The following MYH13 variants were observed in gnomAD, a reference collection of about 807,000 sequenced individuals.
MYH13 encodes the protein myosin-13.
MYH13 carries 177 observed loss-of-function variants against 232.1 expected under a neutral mutation model. That is an observed-to-expected ratio of 0.76 (90% CI 0.67 to 0.86). The LOEUF is 0.86. MYH13 is among the 40% of genes least tolerant of loss of function. MYH13 has a pLI of 0.00. For missense variants in MYH13, 2,246 were observed against 2,405.9 expected (o/e 0.93, Z 1.39); for synonymous variants, 884 against 923.5 (o/e 0.96, Z 0.78).
intron 37 of MYH13, among the ~76,000 whole-genome samples, chr17:10,305,967 G>A (rs1906265951): frequency 6.6e-6 from 1 of 152,154 alleles, no homozygotes; most frequent in Non-Finnish European, 1.5e-5. Context: ...GAGAAAAGCT[G>A]GGGAGGGAAG....
intron 22 of MYH13, chr17:10,324,756 G>GTTTTTTTTTTTTTTTTTT (rs56757162): frequency 1.9e-5 from 2 of 107,766 alleles, no homozygotes; most frequent in African/African-American, 8.2e-5. Flanking sequence ...CCATATACAT[G>GTTTTTTTTTTTTTTTTTT]TTTTTTTTTT....
rs1567673321 is a variant in MYH13, at chr17:10,362,479, C to T, written c.229G>A (p.Val77Ile). ...DRMLTLNNDQVFPMNPPKFDK... is the reference protein window; with the variant it reads ...DRMLTLNNDQIFPMNPPKFDK... ...AATTTGGGAGGGTTCATGGGGAAGA[C>T]CTGGTCATTGTTCAGAGTGAGCATC... is the stretch of plus-strand genomic sequence containing the variant. Residue 77 changes from valine (V) to isoleucine (I), a missense_variant, in exon 4 of 41, where the codon GTC (valine) becomes ATC (isoleucine). Coordinates refer to ENST00000252172, the MANE Select transcript of MYH13 (RefSeq NM_003802.3). 6.2e-7 allele frequency: 1 copy of T among 1,613,948 alleles called. No homozygotes were observed.
In MYH13 at chr17:10,313,243, A is replaced by G. The variant is rs1370387214; in HGVS notation, c.4096T>C (p.Ser1366Pro). 1 of 1,614,168 alleles carries G rather than the reference A, an allele frequency of 6.2e-7. No individual in the cohort carries two copies. Among genetic ancestry groups the G allele is most frequent in the South Asian group, 1.1e-5 (1 of 91,082 alleles). Reference sequence around the variant, plus strand: ...TGGGCAACCTCACTGTTGGCCTTGGACAGCGCCCTCTGCAGCTCGGCCTTG... The same window carrying G: ...TGGGCAACCTCACTGTTGGCCTTGGGCAGCGCCCTCTGCAGCTCGGCCTTG... ...EAKAELQRAL[S>P]KANSEVAQWR... Residue 1366 changes from serine (S) to proline (P), a missense_variant, in exon 30 of 41, where the codon TCC (serine) becomes CCC (proline). By Grantham distance (74) the Ser-to-Pro change is moderately conservative (BLOSUM62 -1). Coordinates refer to ENST00000252172, the MANE Select transcript of MYH13 (RefSeq NM_003802.3).
rs773900297 is a variant in MYH13, at chr17:10,303,297, AAC to A, written c.5572-8_5572-7del. On this transcript the variant is annotated splice_polypyrimidine_tract_variant and splice_region_variant and intron_variant, in intron 38 of 40. Coordinates refer to ENST00000252172, the MANE Select transcript of MYH13 (RefSeq NM_003802.3). ...TTCTTGTGGTCCTCCTCAGCCTGCA[AAC>A]AGAGTACACGTGGCAGGGGCCCGCA... is the stretch of plus-strand genomic sequence containing the variant. 4.3e-6 allele frequency: 7 copies of A among 1,614,068 alleles called. No homozygotes were observed. In the South Asian group the frequency reaches 7.7e-5, roughly 18 times the overall value.
intron 23 of MYH13, among the ~76,000 whole-genome samples, chr17:10,323,776 A>AG (rs1907069913): frequency 1.9e-5 from 2 of 103,144 alleles, no homozygotes; most frequent in Non-Finnish European, 4.0e-5. Flanking sequence ...AAAAAAAAAA[A>AG]AAAAAAAAAA....
In MYH13 at chr17:10,313,355, C is replaced by T. The variant is rs1284346151; in HGVS notation, c.3985-1G>A. 4 of 1,614,118 alleles carry T rather than the reference C, an allele frequency of 2.5e-6. No individual in the cohort carries two copies. Among genetic ancestry groups the T allele is most frequent in the East Asian group, 2.2e-5 (1 of 44,896 alleles). ...GGGCGTGCGCCATGGCGTTCTTGGC[C>T]TGGGAATGACAGCGGTGACAAATTG... is the stretch of plus-strand genomic sequence containing the variant. On this transcript the variant is annotated splice_acceptor_variant, in intron 29 of 40. Coordinates refer to ENST00000252172, the MANE Select transcript of MYH13 (RefSeq NM_003802.3). LOFTEE classifies it high-confidence loss of function.
intron 20 of MYH13, 21 bp downstream of exon 20, chr17:10,332,078 C>A: frequency 1.9e-6 from 3 of 1,613,092 alleles, no homozygotes; most frequent in Non-Finnish European, 2.5e-6. Flanking sequence ...CTAGGGGAGT[C>A]CCAGCCTTGC....
At chr17:10,370,765 T>G (rs2071872080) in intron 2 of MYH13, among the ~76,000 whole-genome samples, 2 of 152,186 alleles carry the variant, frequency 1.3e-5, no homozygotes, top group African/African-American at 4.8e-5. Context: ...ATAGGGTTTT[T>G]ATTACCGCAC....
chr17:10,355,538 C>T (rs1019359493), intron 8 of MYH13, among the ~76,000 whole-genome samples: 2 of 152,164 alleles, frequency 1.3e-5, no homozygotes, highest in African/African-American at 4.8e-5. Context: ...TGATATTGGC[C>T]ACCATGACCT....
At chr17:10,323,158 G>C (rs1366589430) in intron 23 of MYH13, among the ~76,000 whole-genome samples, 3 of 152,168 alleles carry the variant, frequency 2.0e-5, no homozygotes, top group Non-Finnish European at 4.4e-5. Flanking sequence ...TGGACAGGTG[G>C]AAGAATTCCT....
chr17:10,331,111 TCA>T (rs760334075), intron 20 of MYH13, among the ~76,000 whole-genome samples: 3 of 151,992 alleles, frequency 2.0e-5, no homozygotes, highest in Non-Finnish European at 4.4e-5. Flanking sequence ...CTGACAGAGC[TCA>T]CATACAGGAA....
chr17:10,340,450 G>T (rs1249399346), intron 16 of MYH13, 49 bp from the exon 17 acceptor site: 4 of 1,478,544 alleles, frequency 2.7e-6, no homozygotes, highest in Non-Finnish European at 3.7e-6. Flanking sequence ...AGAGGACCCA[G>T]CAGTGGGCTT....
rs1567671155 is a variant in MYH13 at position 10,354,712 on chromosome 17, T to TA, written c.972dup (p.Ile325TyrfsTer3). On this transcript the variant is annotated frameshift_variant, in exon 11 of 41. Transcript: ENST00000252172. LOFTEE classifies it high-confidence loss of function. Reference sequence around the variant, plus strand: ...GCCAGCAGTTCTTCACTGTCATCGATACTGGCTACCGTGACCTCTCCTTGG... The same window carrying TA: ...GCCAGCAGTTCTTCACTGTCATCGATAACTGGCTACCGTGACCTCTCCTTGG... 8.1e-6 allele frequency: 13 copies of TA among 1,613,960 alleles called. No homozygotes were observed. The highest frequency in any genetic ancestry group is 1.1e-5 in the Non-Finnish European group (13 of 1,179,864).
At chr17:10,322,630 G>GTTTTTT (rs769352001) in intron 23 of MYH13, among the ~76,000 whole-genome samples, 4 of 107,590 alleles carry the variant, frequency 3.7e-5, no homozygotes, top group Non-Finnish European at 7.2e-5. Flanking sequence ...TGTTACAGTT[G>GTTTTTT]TTTTTTTTTT....
chr17:10,340,121 A>T, intron 18 of MYH13, 29 bp downstream of exon 18: 1 of 1,595,014 alleles, frequency 6.3e-7, no homozygotes, highest in Admixed American at 1.7e-5. Flanking sequence ...GTTCTGTTCA[A>T]ATACTTGGCA....
rs1458363691 is a variant in MYH13, at chr17:10,354,942, T to C, written c.854A>G (p.Tyr285Cys). 1 of 1,607,992 alleles carries C rather than the reference T, an allele frequency of 6.2e-7. No homozygotes were observed. Among genetic ancestry groups the C allele is most frequent in the Non-Finnish European group, 8.5e-7 (1 of 1,174,522 alleles). ...TGACATAATTTGGTAGAAAATATGA[T>C]AGCTTCTCTCACTGGATAATTGAAA... ...VTFQLSSERS[Y>C]HIFYQIMSNK... The change falls in exon 10 of 41, where the codon TAT (tyrosine) becomes TGT (cysteine). Residue 285 changes from tyrosine (Y) to cysteine (C), a missense_variant. Coordinates refer to ENST00000252172, the MANE Select transcript of MYH13 (RefSeq NM_003802.3).
chr17:10,327,281 G>A (rs1001219073), intron 22 of MYH13, among the ~76,000 whole-genome samples: 2 of 151,528 alleles, frequency 1.3e-5, no homozygotes, highest in Admixed American at 6.6e-5. Context: ...GATTACAGGC[G>A]TGAGCCACCG....
chr17:10,316,141 A>T, intron 27 of MYH13, 116 bp from the exon 28 acceptor site: 1 of 1,337,894 alleles, frequency 7.5e-7, no homozygotes, highest in Non-Finnish European at 1.0e-6. Context: ...ATAAAAGTAC[A>T]GAACAAAAAA....
rs1174132017 is a variant in MYH13 at position 10,343,976 on chromosome 17, C to A, written c.1718G>T (p.Gly573Val). The A allele has an allele frequency of 5.0e-6, 8 of 1,614,082 alleles. No individual in the cohort carries two copies. Among genetic ancestry groups the A allele is most frequent in the Middle Eastern group, 1.6e-4 (1 of 6,084 alleles). The change falls in exon 16 of 41, where the codon GGC becomes GTC. Residue 573 changes from glycine (G) to valine (V), a missense_variant. Coordinates refer to ENST00000252172, the MANE Select transcript of MYH13 (RefSeq NM_003802.3). ...CAGCGAGAAGTGAGCCTCAGCCTTGCCTTTGGCAGGCTTGGGCTTCTGGAA... is the reference window on the plus strand; with the variant it reads ...CAGCGAGAAGTGAGCCTCAGCCTTGACTTTGGCAGGCTTGGGCTTCTGGAA... The part of the protein sequence containing the change: ...NNFQKPKPAK[G>V]KAEAHFSLVH...
Sources: allele counts gnomAD v4.1 joint callset (sites outside exome capture counted in the v4.1 genomes callset), GRCh38; gene constraint gnomAD v4.1.1; transcripts MANE v1.5; gene names NCBI Gene and HGNC (gene_info 2026-07-23, HGNC 2026-07-21).